Variants in OXCT1 observed in about 807,000 individuals in gnomAD.
The protein encoded by OXCT1 is succinyl-CoA:3-ketoacid coenzyme A transferase 1, mitochondrial.
A neutral mutation model predicts 69.6 loss-of-function variants in OXCT1; 27 were observed. The ratio of observed to expected loss-of-function variants is 0.39; its 90% CI spans 0.29 to 0.54. OXCT1 has a LOEUF of 0.54. Ranked by LOEUF, OXCT1 falls within the 20% of genes least tolerant of loss-of-function variation. The pLI is 0.72. For missense variants in OXCT1, 437 were observed against 650.2 expected (o/e 0.67, Z 3.57); for synonymous variants, 202 against 217.8 (o/e 0.93, Z 0.64).
At position 41,853,522 on chromosome 5, in the gene OXCT1, C is replaced by T. The variant is rs778805908; in HGVS notation, c.311G>A (p.Arg104Gln). The part of the protein sequence containing the change: ...VDNFGLGLLL[R>Q]SKQIKRMVSS... ...GACCATGCGTTTTATCTGCTTGGAC[C>T]GAAGCAAAAGCCCCAAACCAAAATT... The change falls in exon 4 of 17, where the codon CGG (arginine) becomes CAG (glutamine). Residue 104 changes from arginine to glutamine, a missense_variant. Arg to Gln is a conservative substitution (Grantham distance 43). This residue lies in a region of OXCT1 where 252 missense variants were observed against 397.4 expected (regional missense o/e 0.63). Coordinates refer to ENST00000196371, the MANE Select transcript of OXCT1 (RefSeq NM_000436.4). 14 of 1,613,620 alleles carry T rather than the reference C, an allele frequency of 8.7e-6. No homozygotes were observed. Among genetic ancestry groups the T allele is most frequent in the African/African-American group, 6.7e-5 (5 of 74,840 alleles).
intron 5 of OXCT1, among the ~76,000 whole-genome samples, chr5:41,845,433 G>A (rs964995000): frequency 3.3e-5 from 5 of 152,002 alleles, no homozygotes; most frequent in Admixed American, 6.6e-5. Context: ...TTCATTCATT[G>A]TCAGTTCCTC....
chr5:41,756,856 A>G (rs763214572), intron 14 of OXCT1, among the ~76,000 whole-genome samples: 5 of 152,114 alleles, frequency 3.3e-5, no homozygotes, highest in Non-Finnish European at 7.4e-5. Flanking sequence ...CATAAAGAAT[A>G]ACAAATGCAA....
chr5:41,805,520 A>G, intron 9 of OXCT1, 47 bp downstream of exon 9: 2 of 1,290,038 alleles, frequency 1.6e-6, no homozygotes, highest in Non-Finnish European at 2.3e-6. Context: ...CAATATGGGA[A>G]AAGCAAAGGC....
chr5:41,826,585 T>A (rs971620731), intron 7 of OXCT1, among the ~76,000 whole-genome samples: 3 of 152,002 alleles, frequency 2.0e-5, no homozygotes, highest in Admixed American at 6.5e-5. Context: ...GTCATTTGTC[T>A]AAGGTTGCAA....
At chr5:41,792,274 T>A (rs1745960818) in intron 13 of OXCT1, among the ~76,000 whole-genome samples, 1 of 152,140 alleles carries the variant, frequency 6.6e-6, no homozygotes, top group Non-Finnish European at 1.5e-5. Flanking sequence ...TTAGCTCAAG[T>A]TACACTGCCA....
At chr5:41,836,192 C>A (rs1206259426) in intron 7 of OXCT1, among the ~76,000 whole-genome samples, 1 of 152,190 alleles carries the variant, frequency 6.6e-6, no homozygotes, top group African/African-American at 2.4e-5. Context: ...TAAAGTTTAT[C>A]AGGGAAGACT....
At chr5:41,815,797 A>T (rs918782701) in intron 7 of OXCT1, among the ~76,000 whole-genome samples, 5 of 152,200 alleles carry the variant, frequency 3.3e-5, no homozygotes, top group African/African-American at 1.2e-4. Context: ...AACATTTTTC[A>T]GTGAAGAGAG....
chr5:41,838,621 G>A (rs1333844447), intron 7 of OXCT1, among the ~76,000 whole-genome samples: 3 of 151,316 alleles, frequency 2.0e-5, no homozygotes, highest in Non-Finnish European at 4.4e-5. Flanking sequence ...CAATTTCTCA[G>A]TCAATTTTTT....
intron 1 of OXCT1, chr5:41,869,903 A>G (rs1424242881): frequency 3.0e-6 from 1 of 338,616 alleles, no homozygotes; most frequent in African/African-American, 2.2e-5. Context: ...ACCTCCATAT[A>G]CTGGCGCCCT....
At chr5:41,784,679 C>A (rs1745563314) in intron 13 of OXCT1, among the ~76,000 whole-genome samples, 1 of 152,196 alleles carries the variant, frequency 6.6e-6, no homozygotes, top group South Asian at 2.1e-4. Flanking sequence ...TGGCCTGAAT[C>A]TCTTCATCTA....
chr5:41,833,133 A>C lies in OXCT1; in HGVS notation c.732+7318T>G, dbSNP rs1000144224. 7.9e-5 allele frequency among the ~76,000 whole-genome samples: 12 copies of C among 152,344 alleles called. 1 individual carries two copies. The highest frequency in any genetic ancestry group is 3.9e-4 in the Admixed American group (6 of 15,294). On this transcript the variant is annotated intron_variant, in intron 7 of 16. Transcript: ENST00000196371. Reference sequence around the variant, plus strand: ...AATGTCCCAAACCTAGAGAAAGATAAACATTCAAGTACAAGAAGGTTATAG... The same window carrying C: ...AATGTCCCAAACCTAGAGAAAGATACACATTCAAGTACAAGAAGGTTATAG...
At chr5:41,840,387 C>A in intron 7 of OXCT1, 64 bp downstream of exon 7, 1 of 1,240,450 alleles carries the variant, frequency 8.1e-7, no homozygotes, top group Non-Finnish European at 1.2e-6. Flanking sequence ...GGTACTTTTT[C>A]TTGAATTAAT....
intron 13 of OXCT1, among the ~76,000 whole-genome samples, chr5:41,786,420 G>C (rs967441084): frequency 6.6e-6 from 1 of 152,142 alleles, no homozygotes; most frequent in African/African-American, 2.4e-5. Flanking sequence ...GCTGGAAGAG[G>C]AGGGGAGTAG....
chr5:41,866,031 C>G (rs1749955795), intron 1 of OXCT1, among the ~76,000 whole-genome samples: 1 of 148,558 alleles, frequency 6.7e-6, no homozygotes, highest in Middle Eastern at 3.6e-3. Context: ...GACCCCCCCC[C>G]CCACCGCTTA....
intron 3 of OXCT1, among the ~76,000 whole-genome samples, chr5:41,859,724 C>T (rs535902601): frequency 4.0e-5 from 6 of 151,852 alleles, no homozygotes; most frequent in South Asian, 2.1e-4. Flanking sequence ...CTGCAGCTTC[C>T]TCAACAAAGA....
intron 11 of OXCT1, among the ~76,000 whole-genome samples, chr5:41,799,086 G>A (rs1307132249): frequency 6.6e-6 from 1 of 152,184 alleles, no homozygotes. Flanking sequence ...ATAACCTTAT[G>A]AGACTTTTTT....
chr5:41,739,512 A>G (rs1282570084), intron 15 of OXCT1, 21 bp from the exon 16 acceptor site: 3 of 1,495,670 alleles, frequency 2.0e-6, no homozygotes, highest in Non-Finnish European at 2.8e-6. Context: ...GGGAAGAAAA[A>G]GGACAATGAC....
At chr5:41,869,761 C>G (rs1223684594) in intron 1 of OXCT1, among the ~76,000 whole-genome samples, 1 of 152,146 alleles carries the variant, frequency 6.6e-6, no homozygotes. Context: ...CCGCCGCACC[C>G]GGCATCCAGC....
At chr5:41,740,997 C>G (rs1438287317) in intron 15 of OXCT1, among the ~76,000 whole-genome samples, 1 of 149,756 alleles carries the variant, frequency 6.7e-6, no homozygotes, top group Non-Finnish European at 1.5e-5. Context: ...GTCACCCAGG[C>G]TGGAGTGCAA....
Sources: allele counts gnomAD v4.1 joint callset (sites outside exome capture counted in the v4.1 genomes callset), GRCh38; gene constraint gnomAD v4.1.1; regional missense constraint gnomAD v4.1.1; transcripts MANE v1.5; gene names NCBI Gene and HGNC (gene_info 2026-07-23, HGNC 2026-07-21).